Variants in CTNNBL1 observed in about 807,000 individuals in gnomAD.
The protein encoded by CTNNBL1 is beta-catenin-like protein 1.
Under a neutral mutation model 72.7 loss-of-function variants are expected in CTNNBL1, and 31 were observed. The observed-to-expected ratio is 0.43, with a 90% CI of 0.32 to 0.58. The LOEUF is 0.58. Among genes scored for constraint, CTNNBL1 ranks in the 20% least tolerant of loss-of-function variants. The probability of loss-of-function intolerance (pLI) is 0.08; values close to 1 mark genes in which losing one functional copy is unlikely to be tolerated. For synonymous variants in CTNNBL1, 240 were observed against 267.3 expected, an observed-to-expected ratio of 0.90 and a Z score of 1.00; for missense variants, 534 against 725.1, an observed-to-expected ratio of 0.74 and a Z score of 3.03.
intron 10 of CTNNBL1, among the ~76,000 whole-genome samples, chr20:37,789,454 T>C (rs2073705819): frequency 6.6e-6 from 1 of 152,212 alleles, no homozygotes; most frequent in African/African-American, 2.4e-5. Context: ...TCACAATTTA[T>C]TGTGCTGTTT....
At chr20:37,750,605 C>A (rs1285898125) in intron 4 of CTNNBL1, 1 of 151,834 alleles carries the variant, frequency 6.6e-6, no homozygotes, top group Non-Finnish European at 1.5e-5. Context: ...TCAGTTGGCC[C>A]AAAGGAACAA....
intron 15 of CTNNBL1, among the ~76,000 whole-genome samples, chr20:37,867,776 A>G (rs192380073): frequency 6.7e-4 from 102 of 152,330 alleles, no homozygotes; most frequent in African/African-American, 1.3e-3. Flanking sequence ...ACTCTGTTCA[A>G]TATTTAAACT....
At chr20:37,786,897 G>A (rs1019546990) in intron 10 of CTNNBL1, among the ~76,000 whole-genome samples, 2 of 152,032 alleles carry the variant, frequency 1.3e-5, no homozygotes, top group African/African-American at 4.8e-5. Context: ...CTGAATTTGA[G>A]ATTTTGTTTG....
chr20:37,710,077 A>G (rs1209437522), intron 1 of CTNNBL1, among the ~76,000 whole-genome samples: 2 of 152,126 alleles, frequency 1.3e-5, no homozygotes, highest in Admixed American at 1.3e-4. Context: ...CAAAACATGT[A>G]TTTTTCATCA....
chr20:37,755,462 A>G (rs1458380311), intron 4 of CTNNBL1, among the ~76,000 whole-genome samples: 2 of 152,244 alleles, frequency 1.3e-5, no homozygotes, highest in Non-Finnish European at 2.9e-5. Context: ...GATGCTAAGC[A>G]TGAAGGACTT....
chr20:37,863,375 C>T (rs1003773924), intron 15 of CTNNBL1, among the ~76,000 whole-genome samples: 4 of 152,336 alleles, frequency 2.6e-5, no homozygotes, highest in South Asian at 4.1e-4. Flanking sequence ...ATCCTTGAGG[C>T]GTTCACAGTC....
intron 4 of CTNNBL1, among the ~76,000 whole-genome samples, chr20:37,755,950 C>G (rs1234733834): frequency 1.3e-5 from 2 of 152,186 alleles, no homozygotes; most frequent in Non-Finnish European, 2.9e-5. Flanking sequence ...ATACTATTTT[C>G]TTCAGCTAGT....
chr20:37,743,298 TTGGG>T (rs2073234195), intron 3 of CTNNBL1, among the ~76,000 whole-genome samples: 3 of 152,100 alleles, frequency 2.0e-5, no homozygotes, highest in Non-Finnish European at 1.5e-5. Context: ...GTTGAGGCCT[TTGGG>T]TTCAAGGATT....
chr20:37,794,690 C>T (rs962241156), intron 10 of CTNNBL1, among the ~76,000 whole-genome samples: 2 of 151,170 alleles, frequency 1.3e-5, no homozygotes, highest in Non-Finnish European at 1.5e-5. Flanking sequence ...TAAGTAGAGA[C>T]GGGGTCTCAC....
chr20:37,850,366 C>T (rs2072385875), intron 13 of CTNNBL1, among the ~76,000 whole-genome samples: 1 of 152,138 alleles, frequency 6.6e-6, no homozygotes, highest in Non-Finnish European at 1.5e-5. Context: ...ATCTTTGTTC[C>T]CTTGGGAAAT....
chr20:37,794,479 G>T (rs1272382536), intron 10 of CTNNBL1, among the ~76,000 whole-genome samples: 2 of 151,752 alleles, frequency 1.3e-5, no homozygotes, highest in Non-Finnish European at 2.9e-5. Flanking sequence ...ACCACCCCTG[G>T]CTATTTGTTT....
chr20:37,728,107 T>C (rs1471329447), intron 1 of CTNNBL1, among the ~76,000 whole-genome samples: 1 of 152,176 alleles, frequency 6.6e-6, no homozygotes. Flanking sequence ...ACCCTTCAGA[T>C]GGAAATCCCC....
At chr20:37,805,005 A>G (rs1227147022) in intron 11 of CTNNBL1, among the ~76,000 whole-genome samples, 2 of 152,206 alleles carry the variant, frequency 1.3e-5, no homozygotes, top group Non-Finnish European at 2.9e-5. Context: ...AGCAGAAGTG[A>G]ACTCCAAGGA....
intron 13 of CTNNBL1, among the ~76,000 whole-genome samples, chr20:37,847,009 G>T (rs752029356): frequency 1.3e-5 from 2 of 152,140 alleles, no homozygotes; most frequent in Non-Finnish European, 2.9e-5. Flanking sequence ...AAAGACCACT[G>T]CTCATTAGGT....
At chr20:37,804,552 G>A (rs1187406439) in intron 11 of CTNNBL1, among the ~76,000 whole-genome samples, 1 of 152,192 alleles carries the variant, frequency 6.6e-6, no homozygotes, top group Admixed American at 6.5e-5. Context: ...AAGTGGACTA[G>A]TGAACTAGAA....
At chr20:37,698,006 C>T (rs147871766) in intron 1 of CTNNBL1, among the ~76,000 whole-genome samples, 14 of 152,270 alleles carry the variant, frequency 9.2e-5, no homozygotes, top group African/African-American at 1.9e-4. Context: ...ATATGCCTAG[C>T]GCCTACAGGT....
At chr20:37,736,477 T>C (rs1343955041) in intron 2 of CTNNBL1, among the ~76,000 whole-genome samples, 1 of 152,224 alleles carries the variant, frequency 6.6e-6, no homozygotes, top group Non-Finnish European at 1.5e-5. Flanking sequence ...TATCTAATAT[T>C]GTTGCTTACT....
chr20:37,696,047 C>T (rs889406102), intron 1 of CTNNBL1, among the ~76,000 whole-genome samples: 9 of 152,174 alleles, frequency 5.9e-5, no homozygotes, highest in South Asian at 2.1e-4. Flanking sequence ...GATTGTATGC[C>T]GGCTTGGAAT....
chr20:37,749,556 T>G (rs2073299149), intron 4 of CTNNBL1, among the ~76,000 whole-genome samples: 1 of 152,204 alleles, frequency 6.6e-6, no homozygotes, highest in Non-Finnish European at 1.5e-5. Flanking sequence ...TTTTTTCCTC[T>G]TGTATGCCAA....
Sources: gnomAD v4.1 joint callset for allele counts (sites outside exome capture counted in the v4.1 genomes callset) on GRCh38, gnomAD v4.1.1 for gene constraint, MANE v1.5 for transcripts, NCBI Gene and HGNC (gene_info 2026-07-23, HGNC 2026-07-21) for gene names.